The following CCDC38 variants were observed in gnomAD, a reference collection of about 807,000 sequenced individuals.
The protein encoded by CCDC38 is coiled-coil domain containing 38.
CCDC38 carries 69 observed loss-of-function variants against 72.8 expected under a neutral mutation model. The observed-to-expected ratio is 0.95, with a 90% CI of 0.78 to 1.16. The LOEUF (loss-of-function observed/expected upper bound fraction) is 1.16. CCDC38 is among the 50% of genes most tolerant of loss of function. The pLI, the probability that CCDC38 is intolerant of heterozygous loss-of-function variation, is 0.00. For synonymous variants in CCDC38, 201 were observed against 213.2 expected (o/e 0.94, Z 0.50); for missense variants, 626 against 638.9 (o/e 0.98, Z 0.22).
At chr12:95,880,037 GA>G in intron 11 of CCDC38, 1 of 281,578 alleles carries the variant, frequency 3.6e-6, no homozygotes, top group Non-Finnish European at 6.6e-6. Flanking sequence ...AAAAAAGGAA[GA>G]AGAGGGTGAG....
chr12:95,877,441 T>C (rs1258468747), intron 13 of CCDC38, among the ~76,000 whole-genome samples: 1 of 152,204 alleles, frequency 6.6e-6, no homozygotes, highest in Non-Finnish European at 1.5e-5. Flanking sequence ...TGCATCTCGT[T>C]ATTGGGCCAC....
Position 95,919,681 on chromosome 12 carries a change from AT to A in CCDC38, c.38-706del, listed in dbSNP as rs980318429. On this transcript the variant is annotated intron_variant, in intron 2 of 15. Transcript: ENST00000344280. ...GTCTTTACCAAAATAGTAGGATAAA[AT>A]TTTGAGATATTAATATGTTTCTTCT... The A allele has an allele frequency of 4.4e-5, 20 of 453,438 alleles. No homozygotes were observed. The Admixed American group carries it at 4.7e-4, about 11-fold the overall frequency. The allele number at this position is 453,438 out of a possible 1,614,324, so 28.1% of individuals were successfully genotyped here.
chr12:95,905,517 T>G (rs1372946743), intron 5 of CCDC38, among the ~76,000 whole-genome samples: 1 of 152,174 alleles, frequency 6.6e-6, no homozygotes, highest in African/African-American at 2.4e-5. Flanking sequence ...TCAGTTACTT[T>G]AAGTGAGATA....
At chr12:95,929,261 A>G (rs1020074646) in intron 2 of CCDC38, among the ~76,000 whole-genome samples, 22 of 152,204 alleles carry the variant, frequency 1.4e-4, no homozygotes, top group Admixed American at 7.8e-4. Flanking sequence ...TTTTAAGCCC[A>G]TGGGAAAAGC....
intron 7 of CCDC38, 25 bp from the exon 8 acceptor site, chr12:95,895,171 A>C (rs2079873129): frequency 6.3e-7 from 1 of 1,582,694 alleles, no homozygotes; most frequent in African/African-American, 1.4e-5. Flanking sequence ...CAAAGATATG[A>C]TTAGGTATAT....
At chr12:95,872,924 C>T (rs1301694711) in intron 13 of CCDC38, among the ~76,000 whole-genome samples, 1 of 152,106 alleles carries the variant, frequency 6.6e-6, no homozygotes, top group Non-Finnish European at 1.5e-5. Context: ...GATATTTAAC[C>T]TATATTATAA....
intron 2 of CCDC38, among the ~76,000 whole-genome samples, chr12:95,924,296 ATGG>A (rs1265402550): frequency 1.4e-5 from 2 of 147,338 alleles, no homozygotes; most frequent in Non-Finnish European, 3.0e-5. Context: ...ATGGCCAGTG[ATGG>A]TGAGCATTTT....
chr12:95,918,995 T>G lies in CCDC38; in HGVS notation c.38-19A>C. On this transcript the variant is annotated intron_variant, in intron 2 of 15. Coordinates refer to ENST00000344280, the MANE Select transcript of CCDC38 (RefSeq NM_182496.3). ...ACTTTACCTGTTAAAAAAGAAAGAATGAATGAATGAATTCTGTCATCCTTC... is the reference window on the plus strand; with the variant it reads ...ACTTTACCTGTTAAAAAAGAAAGAAGGAATGAATGAATTCTGTCATCCTTC... 1 of 1,416,778 alleles carries G rather than the reference T, an allele frequency of 7.1e-7. No homozygotes were observed. The highest frequency in any genetic ancestry group is 1.0e-6 in the Non-Finnish European group (1 of 1,001,898). 87.8% of individuals were successfully genotyped at this position (1,416,778 alleles called of 1,614,324 possible). A position where few individuals can be genotyped will look rare whatever the true frequency, so the allele number is the denominator to read the frequency against.
chr12:95,924,621 A>G (rs1305306331), intron 2 of CCDC38, among the ~76,000 whole-genome samples: 1 of 151,112 alleles, frequency 6.6e-6, no homozygotes, highest in Non-Finnish European at 1.5e-5. Context: ...GCCCACGCCT[A>G]TGTCCTGAAT....
At chr12:95,904,256 T>C (rs910303841) in intron 5 of CCDC38, among the ~76,000 whole-genome samples, 1 of 152,228 alleles carries the variant, frequency 6.6e-6, no homozygotes, top group Non-Finnish European at 1.5e-5. Context: ...AAAATAAAGA[T>C]GCCATGAAGC....
At chr12:95,929,720 A>T (rs561397666) in intron 2 of CCDC38, among the ~76,000 whole-genome samples, 1 of 152,366 alleles carries the variant, frequency 6.6e-6, no homozygotes, top group Non-Finnish European at 1.5e-5. Flanking sequence ...AAATTTCTGA[A>T]CACCAAGTAT....
Position 95,916,379 on chromosome 12 carries a change from GCCTTCCTT to G in CCDC38, c.304+742_304+749del, listed in dbSNP as rs63210665. ...GAAAATTTTTTTAAGTTGCCTGCCT[GCCTTCCTT>G]CCTTCCTTCCTTCCTTCCTTCCTTC... On this transcript the variant is annotated intron_variant, in intron 4 of 15. Coordinates refer to ENST00000344280, the MANE Select transcript of CCDC38 (RefSeq NM_182496.3). 2.6e-3 allele frequency among the ~76,000 whole-genome samples: 389 copies of G among 147,452 alleles called. 1 individual carries two copies. The highest frequency in any genetic ancestry group is 8.3e-3 in the African/African-American group (332 of 39,832).
At chr12:95,898,876 G>T in intron 5 of CCDC38, 145 bp from the exon 6 acceptor site, 2 of 817,672 alleles carry the variant, frequency 2.4e-6, no homozygotes, top group Non-Finnish European at 3.7e-6. Context: ...TCTTGAAGGA[G>T]TTTTATTTTC....
Position 95,872,447 on chromosome 12 carries a change from T to C in CCDC38, c.1292A>G (p.Asp431Gly), listed in dbSNP as rs766519386. The change falls in exon 14 of 16, where the codon GAC becomes GGC. Residue 431 changes from aspartate (D) to glycine (G), a missense_variant. Coordinates refer to ENST00000344280, the MANE Select transcript of CCDC38 (RefSeq NM_182496.3). The part of the protein sequence containing the change: ...FNSDAQEILI[D>G]SLSKKITQVY... ...TTGAGTAATCTTTTTACTAAGTGAG[T>C]CTATCAGTATTTCCTGAGATTGAGA... The C allele has an allele frequency of 2.5e-6, 4 of 1,611,762 alleles. No individual in the cohort carries two copies. The highest frequency in any genetic ancestry group is 3.4e-6 in the Non-Finnish European group (4 of 1,177,874).
intron 2 of CCDC38, 131 bp from the exon 3 acceptor site, chr12:95,919,107 A>T: frequency 1.6e-6 from 1 of 621,958 alleles, no homozygotes; most frequent in Admixed American, 3.0e-5. Context: ...TGTTAAAAGA[A>T]AAACTTTGGC....
Position 95,879,722 on chromosome 12 carries a change from G to A in CCDC38, c.1064C>T (p.Thr355Ile). 6.2e-7 allele frequency: 1 copy of A among 1,611,332 alleles called. No individual in the cohort carries two copies. The highest frequency in any genetic ancestry group is 8.5e-7 in the Non-Finnish European group (1 of 1,177,762). The change falls in exon 12 of 16, where the codon ACT becomes ATT. Residue 355 changes from threonine (T) to isoleucine (I), a missense_variant. Coordinates refer to ENST00000344280, the MANE Select transcript of CCDC38 (RefSeq NM_182496.3). The surrounding 1 kb of genome is among the most constrained non-coding windows in gnomAD (Gnocchi z 5.5). ...VLRELEEQNL[T>I]LFQYSQDVDE... The stretch of plus-strand genomic sequence containing the variant: ...TACATCTTGGGAATATTGAAACAAA[G>A]TAAGATTCTGCTCTTCCAGCTCTCT...
chr12:95,901,806 A>G (rs1331353205), intron 5 of CCDC38, among the ~76,000 whole-genome samples: 1 of 152,230 alleles, frequency 6.6e-6, no homozygotes, highest in Non-Finnish European at 1.5e-5. Flanking sequence ...GGTGAATGAT[A>G]AGGACAAAAC....
At chr12:95,933,512 TA>T (rs1230563988) in intron 2 of CCDC38, 6 of 152,196 alleles carry the variant, frequency 3.9e-5, no homozygotes, top group African/African-American at 1.2e-4. Flanking sequence ...GGCAAAGCAT[TA>T]AAAAACTTGA....
At chr12:95,881,349 T>G (rs983573920) in intron 11 of CCDC38, 136 bp downstream of exon 11, 2 of 571,112 alleles carry the variant, frequency 3.5e-6, no homozygotes, top group Non-Finnish European at 6.1e-6. Context: ...AATTGGAGAA[T>G]AGTATCAAAA....
Sources: allele counts gnomAD v4.1 joint callset (sites outside exome capture counted in the v4.1 genomes callset), GRCh38; gene constraint gnomAD v4.1.1; non-coding constraint Gnocchi (gnomAD v3.1); transcripts MANE v1.5; gene names NCBI Gene and HGNC (gene_info 2026-07-23, HGNC 2026-07-21).